The following ZCCHC7 variants were observed in gnomAD, a reference collection of about 807,000 sequenced individuals.
ZCCHC7 encodes zinc finger CCHC-type containing 7, also known as zinc finger CCHC domain-containing protein 7.
In ZCCHC7, 35 loss-of-function variants were observed where a neutral mutation model predicts 52.0. That is an observed-to-expected ratio of 0.67 (90% CI 0.51 to 0.89). The LOEUF (loss-of-function observed/expected upper bound fraction) is 0.89, where lower values mean the gene tolerates loss of function less well. Among genes scored for constraint, ZCCHC7 ranks in the 40% least tolerant of loss-of-function variants. The probability of loss-of-function intolerance (pLI) is 0.00; values close to 1 mark genes in which losing one functional copy is unlikely to be tolerated. For synonymous variants in ZCCHC7, 217 were observed against 221.5 expected, an observed-to-expected ratio of 0.98 and a Z score of 0.18; for missense variants, 574 against 649.1, an observed-to-expected ratio of 0.88 and a Z score of 1.26.
intron 6 of ZCCHC7, among the ~76,000 whole-genome samples, chr9:37,338,018 A>C (rs182975686): frequency 1.3e-5 from 2 of 152,326 alleles, no homozygotes; most frequent in East Asian, 3.9e-4. Flanking sequence ...GCTATGGCCC[A>C]ATGAATAAAT....
chr9:37,237,583 A>C (rs1825709561), intron 2 of ZCCHC7, among the ~76,000 whole-genome samples: 1 of 152,188 alleles, frequency 6.6e-6, no homozygotes, highest in Non-Finnish European at 1.5e-5. Context: ...TATGTCTTGT[A>C]TTTATTTTGT....
intron 5 of ZCCHC7, among the ~76,000 whole-genome samples, chr9:37,323,561 G>A (rs1334176038): frequency 6.6e-6 from 1 of 152,116 alleles, no homozygotes; most frequent in African/African-American, 2.4e-5. Context: ...TATACACATT[G>A]CCACTTACAT....
chr9:37,166,001 AG>A (rs1821396766), intron 2 of ZCCHC7, among the ~76,000 whole-genome samples: 1 of 152,242 alleles, frequency 6.6e-6, no homozygotes, highest in Non-Finnish European at 1.5e-5. Flanking sequence ...CAGTTTCTTC[AG>A]AAAGCTTCAC....
intron 2 of ZCCHC7, among the ~76,000 whole-genome samples, chr9:37,218,772 G>T (rs1824652800): frequency 6.6e-6 from 1 of 152,150 alleles, no homozygotes; most frequent in African/African-American, 2.4e-5. Flanking sequence ...TTGCGCCACT[G>T]CACTCCAGCC....
chr9:37,134,627 C>G (rs1842924844), intron 2 of ZCCHC7, among the ~76,000 whole-genome samples: 1 of 152,308 alleles, frequency 6.6e-6, no homozygotes, highest in South Asian at 2.1e-4. Flanking sequence ...CTGCCCTTCC[C>G]CTTATGAGTA....
chr9:37,128,278 G>C (rs1196548936), intron 2 of ZCCHC7, among the ~76,000 whole-genome samples: 2 of 152,094 alleles, frequency 1.3e-5, no homozygotes, highest in African/African-American at 4.8e-5. Flanking sequence ...AGGTAGAGGA[G>C]AAAGAATAAA....
At chr9:37,202,365 C>G (rs948255665) in intron 2 of ZCCHC7, among the ~76,000 whole-genome samples, 1 of 152,170 alleles carries the variant, frequency 6.6e-6, no homozygotes, top group Non-Finnish European at 1.5e-5. Context: ...TTAAATTTAG[C>G]TCTCAGCTTT....
intron 2 of ZCCHC7, among the ~76,000 whole-genome samples, chr9:37,274,625 C>A (rs1827597880): frequency 1.3e-5 from 2 of 152,052 alleles, no homozygotes; most frequent in African/African-American, 4.8e-5. Context: ...AGGCATGAGC[C>A]ACCATGCCCA....
chr9:37,302,124 C>G, intron 2 of ZCCHC7, 64 bp from the exon 3 acceptor site: 1 of 1,315,812 alleles, frequency 7.6e-7, no homozygotes. Flanking sequence ...ATTGTGTAAT[C>G]TATTGTCAAT....
rs544015521 is a variant in ZCCHC7, at chr9:37,316,837, T to G, written c.952-10962T>G. On this transcript the variant is annotated intron_variant, in intron 5 of 8. Coordinates refer to ENST00000336755, the MANE Select transcript of ZCCHC7 (RefSeq NM_032226.3). ...AGTGCTTGGCAAATACCACCTGAGC[T>G]GCCAGTACTGGTGGGATTTCACATA... 9.3e-5 allele frequency among the ~76,000 whole-genome samples: 14 copies of G among 150,814 alleles called. No homozygotes were observed. In the South Asian group the frequency reaches 2.9e-3, roughly 32 times the overall value.
At chr9:37,130,213 G>A (rs1281784820) in intron 2 of ZCCHC7, among the ~76,000 whole-genome samples, 50 of 145,082 alleles carry the variant, frequency 3.4e-4, no homozygotes, top group Admixed American at 3.0e-3. Context: ...ACTCCAGCCT[G>A]GGTGATGGAG....
At chr9:37,181,089 A>G (rs1822326297) in intron 2 of ZCCHC7, among the ~76,000 whole-genome samples, 1 of 152,166 alleles carries the variant, frequency 6.6e-6, no homozygotes, top group South Asian at 2.1e-4. Flanking sequence ...TTGTAATTTT[A>G]TTTTAACAAA....
chr9:37,169,457 T>A (rs1464010050), intron 2 of ZCCHC7, among the ~76,000 whole-genome samples: 1 of 149,960 alleles, frequency 6.7e-6, no homozygotes, highest in African/African-American at 2.4e-5. Context: ...TTTTTTTTCT[T>A]TTGCAAACTA....
intron 2 of ZCCHC7, among the ~76,000 whole-genome samples, chr9:37,295,866 GA>G (rs1453648861): frequency 2.0e-5 from 3 of 152,106 alleles, no homozygotes; most frequent in Non-Finnish European, 4.4e-5. Context: ...AGTTGTAGAA[GA>G]AAATGGGTAA....
chr9:37,154,209 C>T (rs1378955128), intron 2 of ZCCHC7, among the ~76,000 whole-genome samples: 1 of 152,100 alleles, frequency 6.6e-6, no homozygotes, highest in Non-Finnish European at 1.5e-5. Context: ...CTTGATTACT[C>T]TTGAGAGTGG....
intron 6 of ZCCHC7, among the ~76,000 whole-genome samples, chr9:37,348,347 G>GTTCGTTCTTTCTTTCTTTCTTTCT (rs370166957): frequency 8.2e-4 from 111 of 135,588 alleles, no homozygotes; most frequent in South Asian, 2.2e-3. Context: ...ATACCAGTTC[G>GTTCGTTCTTTCTTTCTTTCTTTCT]TTCTTTCTTT....
chr9:37,250,603 C>G (rs549495092), intron 2 of ZCCHC7, among the ~76,000 whole-genome samples: 7 of 152,258 alleles, frequency 4.6e-5, no homozygotes, highest in Non-Finnish European at 1.0e-4. Flanking sequence ...CGCCTGGCCT[C>G]TCTTCTCTCT....
intron 2 of ZCCHC7, among the ~76,000 whole-genome samples, chr9:37,153,878 C>T (rs1213330683): frequency 6.6e-6 from 1 of 152,018 alleles, no homozygotes; most frequent in African/African-American, 2.4e-5. Context: ...TGGATTGAGT[C>T]AAATCATAGG....
At chr9:37,135,478 TGAA>T (rs1173892654) in intron 2 of ZCCHC7, among the ~76,000 whole-genome samples, 1 of 152,198 alleles carries the variant, frequency 6.6e-6, no homozygotes, top group African/African-American at 2.4e-5. Context: ...TTTTAAGAGT[TGAA>T]GAAACCATAT....
Sources: allele counts gnomAD v4.1 joint callset (sites outside exome capture counted in the v4.1 genomes callset), GRCh38; gene constraint gnomAD v4.1.1; transcripts MANE v1.5; gene names NCBI Gene and HGNC (gene_info 2026-07-23, HGNC 2026-07-21).